The following ZNF804B variants were observed in gnomAD, a reference collection of about 807,000 sequenced individuals.
The protein encoded by ZNF804B is zinc finger protein 804B.
Under a neutral mutation model 101.4 loss-of-function variants are expected in ZNF804B, and 80 were observed. The ratio of observed to expected loss-of-function variants is 0.79; its 90% CI spans 0.66 to 0.95. The LOEUF (loss-of-function observed/expected upper bound fraction) is 0.95, where lower values mean the gene tolerates loss of function less well. ZNF804B is among the 40% of genes least tolerant of loss of function. The pLI is 0.00. For synonymous variants in ZNF804B, 622 were observed against 558.8 expected (o/e 1.11, Z -1.59); for missense variants, 1,673 against 1,561.9 (o/e 1.07, Z -1.20).
At chr7:89,290,538 G>T (rs1790273371) in intron 2 of ZNF804B, among the ~76,000 whole-genome samples, 1 of 152,112 alleles carries the variant, frequency 6.6e-6, no homozygotes, top group Admixed American at 6.6e-5. Context: ...GCTGACTAAA[G>T]AGCCCTTTGG....
chr7:88,822,174 A>G (rs1177525444), intron 1 of ZNF804B, among the ~76,000 whole-genome samples: 1 of 152,168 alleles, frequency 6.6e-6, no homozygotes, highest in Non-Finnish European at 1.5e-5. Context: ...ATGCAACTAT[A>G]TAGGAAAGAT....
At chr7:88,798,168 G>A (rs1015535886) in intron 1 of ZNF804B, among the ~76,000 whole-genome samples, 6 of 151,938 alleles carry the variant, frequency 3.9e-5, no homozygotes, top group African/African-American at 1.5e-4. Flanking sequence ...ATATCTCTCT[G>A]ATAATCACAT....
At chr7:88,926,442 A>AAG (rs1410894616) in intron 1 of ZNF804B, among the ~76,000 whole-genome samples, 2 of 150,874 alleles carry the variant, frequency 1.3e-5, no homozygotes, top group Admixed American at 1.3e-4. Flanking sequence ...CAAAAAAAAA[A>AAG]AAAATAGCCG....
intron 1 of ZNF804B, among the ~76,000 whole-genome samples, chr7:88,946,046 T>C (rs1330857050): frequency 6.6e-6 from 1 of 152,096 alleles, no homozygotes; most frequent in Non-Finnish European, 1.5e-5. Context: ...CAGAGACTAT[T>C]TGACTTCCTC....
intron 1 of ZNF804B, among the ~76,000 whole-genome samples, chr7:89,208,624 A>T (rs530910656): frequency 1.3e-5 from 2 of 152,240 alleles, no homozygotes; most frequent in South Asian, 2.1e-4. Flanking sequence ...CTGGTGGAGG[A>T]ACTGTATATT....
At chr7:89,104,620 ACT>A (rs893162438) in intron 1 of ZNF804B, among the ~76,000 whole-genome samples, 20 of 150,618 alleles carry the variant, frequency 1.3e-4, no homozygotes, top group Admixed American at 1.3e-3. Context: ...AAGTCCCATG[ACT>A]CTCTCCTTTT....
chr7:89,262,146 G>A (rs1416925175), intron 2 of ZNF804B, among the ~76,000 whole-genome samples: 1 of 152,072 alleles, frequency 6.6e-6, no homozygotes, highest in Non-Finnish European at 1.5e-5. Context: ...TTTCAACTTC[G>A]TTGATTGACC....
intron 2 of ZNF804B, among the ~76,000 whole-genome samples, chr7:89,268,637 G>C (rs925369936): frequency 6.6e-6 from 1 of 151,506 alleles, no homozygotes; most frequent in East Asian, 1.9e-4. Flanking sequence ...GTCTTGTAAT[G>C]GGATTCAACA....
chr7:88,883,884 C>T (rs1792080335), intron 1 of ZNF804B, among the ~76,000 whole-genome samples: 1 of 152,018 alleles, frequency 6.6e-6, no homozygotes, highest in South Asian at 2.1e-4. Flanking sequence ...CAAACTACAT[C>T]TATTTCTGCA....
chr7:89,260,886 T>C (rs6465191), intron 2 of ZNF804B, among the ~76,000 whole-genome samples: 43,880 of 152,098 alleles, frequency 0.29, 6,574 homozygotes, highest in South Asian at 0.34. Flanking sequence ...TGGGAACACT[T>C]CCAGCATCAC....
chr7:88,897,686 T>C (rs1257122087), intron 1 of ZNF804B, among the ~76,000 whole-genome samples: 2 of 152,144 alleles, frequency 1.3e-5, no homozygotes, highest in Non-Finnish European at 2.9e-5. Flanking sequence ...CAGCTTCTCT[T>C]CTCTGTTGAG....
chr7:88,775,546 T>C (rs182762585), intron 1 of ZNF804B, among the ~76,000 whole-genome samples: 19 of 152,338 alleles, frequency 1.2e-4, no homozygotes, highest in African/African-American at 4.6e-4. Flanking sequence ...ACCATGACTT[T>C]TTTGTTGTTG....
chr7:88,791,249 T>C (rs1790378112), intron 1 of ZNF804B, among the ~76,000 whole-genome samples: 1 of 152,096 alleles, frequency 6.6e-6, no homozygotes, highest in East Asian at 1.9e-4. Flanking sequence ...TTTTCAGCAA[T>C]GGTGTTGCTA....
In ZNF804B at chr7:89,337,242, T is replaced by A. The variant is rs926495703; in HGVS notation, c.*210T>A. Reference sequence around the variant, plus strand: ...TGCCAAAATAATAGGCAAATTTGAATAATTTTATGAAAGCGTAGAGGGAAG... The same window carrying A: ...TGCCAAAATAATAGGCAAATTTGAAAAATTTTATGAAAGCGTAGAGGGAAG... On this transcript the variant is annotated 3_prime_UTR_variant, in exon 4 of 4. Coordinates refer to ENST00000333190, the MANE Select transcript of ZNF804B (RefSeq NM_181646.5). Among the ~76,000 whole-genome samples, 2 of 152,176 alleles carry A rather than the reference T, an allele frequency of 1.3e-5. No homozygotes were observed. The highest frequency in any genetic ancestry group is 2.9e-5 in the Non-Finnish European group (2 of 68,018).
At chr7:89,289,738 C>G (rs950590550) in intron 2 of ZNF804B, among the ~76,000 whole-genome samples, 12 of 152,146 alleles carry the variant, frequency 7.9e-5, no homozygotes, top group African/African-American at 2.4e-4. Flanking sequence ...TCACCATGGG[C>G]TAAAGTACTC....
At chr7:89,215,605 C>T (rs1445517976) in intron 1 of ZNF804B, among the ~76,000 whole-genome samples, 3 of 151,854 alleles carry the variant, frequency 2.0e-5, no homozygotes, top group Admixed American at 6.6e-5. Flanking sequence ...ATGATTAGGC[C>T]GGGGGCGGTG....
chr7:89,138,055 GA>G (rs1487154916), intron 1 of ZNF804B, among the ~76,000 whole-genome samples: 2 of 152,136 alleles, frequency 1.3e-5, no homozygotes, highest in Admixed American at 1.3e-4. Flanking sequence ...CAGGTGCACA[GA>G]AGTAAAAAAT....
intron 1 of ZNF804B, among the ~76,000 whole-genome samples, chr7:88,809,072 A>G (rs957683323): frequency 6.6e-6 from 1 of 152,160 alleles, no homozygotes; most frequent in African/African-American, 2.4e-5. Context: ...AAATAACTAA[A>G]TTTGGCAGCA....
At chr7:89,162,224 T>G (rs1791077238) in intron 1 of ZNF804B, among the ~76,000 whole-genome samples, 1 of 152,130 alleles carries the variant, frequency 6.6e-6, no homozygotes, top group Admixed American at 6.6e-5. Flanking sequence ...GCCCACTTTC[T>G]TTTACTTTTT....
Sources: gnomAD v4.1 joint callset for allele counts (sites outside exome capture counted in the v4.1 genomes callset) on GRCh38, gnomAD v4.1.1 for gene constraint, MANE v1.5 for transcripts, NCBI Gene and HGNC (gene_info 2026-07-23, HGNC 2026-07-21) for gene names.